TCEA1: variants seen among roughly 807,000 people sequenced by gnomAD.
TCEA1 encodes the protein transcription elongation factor A protein 1.
Under a neutral mutation model 43.8 loss-of-function variants are expected in TCEA1, and 21 were observed. The ratio of observed to expected loss-of-function variants is 0.48; its 90% confidence interval spans 0.34 to 0.69. The LOEUF (loss-of-function observed/expected upper bound fraction) is 0.69. TCEA1 is among the 30% of genes least tolerant of loss of function. The probability of loss-of-function intolerance (pLI) is 0.01; values close to 1 mark genes in which losing one functional copy is unlikely to be tolerated. For synonymous variants in TCEA1, 104 were observed against 117.5 expected, an observed-to-expected ratio of 0.88 and a Z score of 0.75; for missense variants, 250 against 365.1, an observed-to-expected ratio of 0.68 and a Z score of 2.57.
chr8:53,984,215 TTAAGTA>T, intron 7 of TCEA1, 142 bp downstream of exon 7: 1 of 669,356 alleles, frequency 1.5e-6, no homozygotes, highest in South Asian at 4.0e-5. Flanking sequence ...CACAATCACC[TTAAGTA>T]TTTGTCTAGT....
intron 8 of TCEA1, among the ~76,000 whole-genome samples, chr8:53,974,947 T>C (rs1030706013): frequency 6.6e-6 from 1 of 152,172 alleles, no homozygotes; most frequent in Admixed American, 6.5e-5. Flanking sequence ...TACATTAATT[T>C]CTCTGGGAGC....
At chr8:53,973,078 T>TA (rs1168240566) in intron 8 of TCEA1, 4 of 663,914 alleles carry the variant, frequency 6.0e-6, no homozygotes, top group African/African-American at 5.3e-5. Context: ...CAAGACTACT[T>TA]AGCTTCCTCT....
intron 7 of TCEA1, among the ~76,000 whole-genome samples, chr8:53,981,402 G>A (rs759510962): frequency 1.3e-5 from 2 of 152,084 alleles, no homozygotes; most frequent in Admixed American, 1.3e-4. Flanking sequence ...AAAGCATCTG[G>A]TGACTTCAAG....
chr8:53,970,776 C>T (rs1311314929), intron 8 of TCEA1, among the ~76,000 whole-genome samples: 1 of 151,922 alleles, frequency 6.6e-6, no homozygotes, highest in African/African-American at 2.4e-5. Flanking sequence ...TAAGTTATTT[C>T]GAATAAGGAT....
intron 4 of TCEA1, among the ~76,000 whole-genome samples, chr8:53,989,622 C>A (rs1441869233): frequency 6.6e-6 from 1 of 152,204 alleles, no homozygotes; most frequent in Non-Finnish European, 1.5e-5. Context: ...CATACATTTT[C>A]TTCTCTATCA....
At chr8:53,981,186 A>T (rs544187954) in intron 7 of TCEA1, among the ~76,000 whole-genome samples, 1 of 152,388 alleles carries the variant, frequency 6.6e-6, no homozygotes, top group South Asian at 2.1e-4. Context: ...AAGGTGAAGC[A>T]GCAAGTGCTG....
At chr8:53,996,766 C>A (rs1165924202) in intron 3 of TCEA1, among the ~76,000 whole-genome samples, 1 of 114,238 alleles carries the variant, frequency 8.8e-6, no homozygotes, top group Non-Finnish European at 1.5e-5. Flanking sequence ...ACACACACAG[C>A]ATAGGTAAAA....
At chr8:54,003,168 T>C (rs756367458) in intron 2 of TCEA1, 21 of 409,706 alleles carry the variant, frequency 5.1e-5, no homozygotes, top group Non-Finnish European at 9.2e-5. Context: ...AAAACACACA[T>C]ATATAAAAGA....
intron 6 of TCEA1, among the ~76,000 whole-genome samples, chr8:53,984,829 C>A (rs1174618131): frequency 6.6e-6 from 1 of 151,846 alleles, no homozygotes; most frequent in Non-Finnish European, 1.5e-5. Flanking sequence ...TTGCAGCGAG[C>A]TGAGATCAGG....
chr8:53,973,912 C>T lies in TCEA1; in HGVS notation c.826-3449G>A, dbSNP rs559933346. On this transcript the variant is annotated intron_variant, in intron 8 of 9. Coordinates refer to ENST00000521604, the MANE Select transcript of TCEA1 (RefSeq NM_006756.4). ...AAAGAGGGCCAGGCACAGTGGCTCA[C>T]GCCTATAATCCCAGCACTTTGGGAG... 51 of 254,164 alleles carry T rather than the reference C, an allele frequency of 2.0e-4. No individual in the cohort carries two copies. The East Asian group carries it at 4.6e-3, about 23-fold the overall frequency. 15.7% of individuals were successfully genotyped at this position (254,164 alleles called of 1,614,324 possible).
chr8:54,017,472 CT>C (rs1316694179), intron 1 of TCEA1, among the ~76,000 whole-genome samples: 2 of 152,138 alleles, frequency 1.3e-5, no homozygotes, highest in African/African-American at 4.8e-5. Context: ...TCCTTTATTT[CT>C]TTTCTTTTCT....
chr8:53,981,637 C>T (rs1372795401), intron 7 of TCEA1, among the ~76,000 whole-genome samples: 1 of 152,164 alleles, frequency 6.6e-6, no homozygotes, highest in African/African-American at 2.4e-5. Context: ...ACTTAGTCAT[C>T]AATATGCCTA....
At chr8:54,000,609 C>G (rs1435655649) in intron 2 of TCEA1, among the ~76,000 whole-genome samples, 1 of 152,154 alleles carries the variant, frequency 6.6e-6, no homozygotes, top group Non-Finnish European at 1.5e-5. Context: ...AATTACGTGC[C>G]TAGAATTATG....
chr8:53,996,918 T>TTTTTTTTTTTTTTTTTTTGA (rs1471902060), intron 3 of TCEA1, among the ~76,000 whole-genome samples: 1 of 149,012 alleles, frequency 6.7e-6, no homozygotes, highest in African/African-American at 2.5e-5. Flanking sequence ...TTTTTTTTTT[T>TTTTTTTTTTTTTTTTTTTGA]AGACAGACTC....
At chr8:54,000,119 T>G (rs1359441262) in intron 2 of TCEA1, 69 bp from the exon 3 acceptor site, 1 of 935,122 alleles carries the variant, frequency 1.1e-6, no homozygotes, top group Non-Finnish European at 1.6e-6. Flanking sequence ...TTCACCTACA[T>G]TCTTTTCTTT....
chr8:54,003,166 CAT>C, intron 2 of TCEA1: 1 of 414,742 alleles, frequency 2.4e-6, no homozygotes, highest in South Asian at 1.7e-5. Context: ...TTAAAACACA[CAT>C]ATATAAAAGA....
intron 1 of TCEA1, 195 bp downstream of exon 1, chr8:54,021,868 G>A (rs913112982): frequency 2.1e-5 from 9 of 421,454 alleles, no homozygotes; most frequent in South Asian, 2.0e-4. Flanking sequence ...AAGAGCGAGC[G>A]GGTCCTAACG....
chr8:53,986,384 G>C (rs1049463146), intron 6 of TCEA1, among the ~76,000 whole-genome samples: 1 of 152,096 alleles, frequency 6.6e-6, no homozygotes, highest in African/African-American at 2.4e-5. Flanking sequence ...GTGGTGTTAA[G>C]CCACTGAAAT....
chr8:53,968,189 C>A, intron 9 of TCEA1, 77 bp from the exon 10 acceptor site: 1 of 1,080,920 alleles, frequency 9.3e-7, no homozygotes, highest in Non-Finnish European at 1.3e-6. Flanking sequence ...ACAGCATACA[C>A]CTGATATTGC....
Sources: gnomAD v4.1 joint callset for allele counts (sites outside exome capture counted in the v4.1 genomes callset) on GRCh38, gnomAD v4.1.1 for gene constraint, MANE v1.5 for transcripts, NCBI Gene and HGNC (gene_info 2026-07-23, HGNC 2026-07-21) for gene names.